The following PTCHD1 variants were observed in gnomAD, a reference collection of about 807,000 sequenced individuals.
The protein encoded by PTCHD1 is patched domain-containing protein 1.
A neutral mutation model predicts 34.6 loss-of-function variants in PTCHD1; 3 were observed. That is an observed-to-expected ratio of 0.09 (90% CI 0.04 to 0.22). The LOEUF is 0.22. Ranked by LOEUF, PTCHD1 falls within the 10% of genes least tolerant of loss-of-function variation. The pLI is 1.00. For synonymous variants in PTCHD1, 305 were observed against 283.1 expected (o/e 1.08, Z -0.77); for missense variants, 504 against 685.5 (o/e 0.74, Z 2.96).
At chrX:23,387,719 C>T (rs975806813) in intron 2 of PTCHD1, among the ~76,000 whole-genome samples, 48 of 111,294 alleles carry the variant, frequency 4.3e-4, no homozygotes, top group African/African-American at 1.4e-3. Flanking sequence ...CTTGGCGCTC[C>T]CTTCAATCTC....
chrX:23,366,338 C>T (rs868750401), intron 1 of PTCHD1, among the ~76,000 whole-genome samples: 2 of 112,195 alleles, frequency 1.8e-5, no homozygotes, highest in African/African-American at 6.5e-5. Context: ...TTGACTGGCT[C>T]GCAGTTGCCC....
intron 2 of PTCHD1, among the ~76,000 whole-genome samples, chrX:23,390,497 C>T: frequency 9.0e-6 from 1 of 111,693 alleles, no homozygotes; most frequent in Middle Eastern, 4.2e-3. Context: ...CCTCTCCAGA[C>T]TAGATGTTAA....
chrX:23,354,917 C>T (rs1921761009), intron 1 of PTCHD1, among the ~76,000 whole-genome samples: 2 of 109,027 alleles, frequency 1.8e-5, no homozygotes, highest in African/African-American at 3.3e-5. Context: ...CTGTGTATTT[C>T]GGAAAGCCCC....
intron 2 of PTCHD1, chrX:23,380,466 C>T (rs1376605873): frequency 1.7e-5 from 8 of 472,876 alleles, no homozygotes; most frequent in Non-Finnish European, 7.5e-6. Flanking sequence ...TGGGTTCTAG[C>T]GCTGACTCTC....
intron 1 of PTCHD1, among the ~76,000 whole-genome samples, chrX:23,358,139 A>G: frequency 8.9e-6 from 1 of 111,960 alleles, no homozygotes; most frequent in South Asian, 3.8e-4. Flanking sequence ...GTGTCTTTAT[A>G]GTAGCATGAT....
rs1368976008 is a variant in PTCHD1, at chrX:23,396,307, T to A, written c.*2122T>A. The A allele has an allele frequency of 1.8e-5, 2 of 112,101 alleles. No homozygotes were observed. Among genetic ancestry groups the A allele is most frequent in the Non-Finnish European group, 3.8e-5 (2 of 53,188 alleles). 9.2% of individuals were successfully genotyped at this position (112,101 alleles called of 1,213,427 possible). Reference sequence around the variant, plus strand: ...ACACTCAACTAGAAGATAATAAGCTTTAATCTGAGGGCAAGTACAGTCCTG... The same window carrying A: ...ACACTCAACTAGAAGATAATAAGCTATAATCTGAGGGCAAGTACAGTCCTG... On this transcript the variant is annotated 3_prime_UTR_variant, in exon 3 of 3. Transcript: ENST00000379361.
intron 2 of PTCHD1, among the ~76,000 whole-genome samples, chrX:23,381,038 G>A (rs892712466): frequency 1.1e-4 from 12 of 112,266 alleles, no homozygotes; most frequent in Non-Finnish European, 1.5e-4. Flanking sequence ...CCCACCTTAT[G>A]AATAGAGTGG....
intron 1 of PTCHD1, among the ~76,000 whole-genome samples, chrX:23,353,913 A>G (rs1220370221): frequency 3.6e-5 from 4 of 111,939 alleles, no homozygotes; most frequent in Non-Finnish European, 5.6e-5. Flanking sequence ...GATTTGAGAG[A>G]TTTGGGAGGC....
chrX:23,382,615 A>C (rs1484779747), intron 2 of PTCHD1, among the ~76,000 whole-genome samples: 1 of 112,963 alleles, frequency 8.9e-6, no homozygotes, highest in African/African-American at 3.2e-5. Context: ...TTTACATCAC[A>C]GTTCAATTCA....
Position 23,358,055 on chromosome X carries a change from T to C in PTCHD1, c.352-21536T>C, listed in dbSNP as rs142634619. On this transcript the variant is annotated intron_variant, in intron 1 of 2. Transcript: ENST00000379361. ...TGCCACATTTTCTTAATCCAGTCTA[T>C]CATTGATGGACATTTGGGTTGGTTC... 4.9e-3 allele frequency among the ~76,000 whole-genome samples: 544 copies of C among 112,088 alleles called. 2 individuals carry two copies. The highest frequency in any genetic ancestry group is 0.017 in the African/African-American group (527 of 30,829).
At chrX:23,346,473 G>A (rs141297563) in intron 1 of PTCHD1, among the ~76,000 whole-genome samples, 7 of 111,916 alleles carry the variant, frequency 6.3e-5, no homozygotes, top group African/African-American at 1.9e-4. Flanking sequence ...AAACCAATCC[G>A]ACAGGATTCT....
chrX:23,376,551 A>G (rs1026136107), intron 1 of PTCHD1, among the ~76,000 whole-genome samples: 3 of 112,408 alleles, frequency 2.7e-5, no homozygotes, highest in Non-Finnish European at 5.6e-5. Context: ...ATGTTCAGGT[A>G]GCATGCGCAG....
At chrX:23,346,048 G>A (rs184606647) in intron 1 of PTCHD1, among the ~76,000 whole-genome samples, 18 of 111,604 alleles carry the variant, frequency 1.6e-4, no homozygotes, top group African/African-American at 4.6e-4. Flanking sequence ...CATGGATGTC[G>A]TTGCTACCAT....
intron 1 of PTCHD1, among the ~76,000 whole-genome samples, chrX:23,353,330 T>C (rs1022693775): frequency 8.9e-6 from 1 of 112,887 alleles, no homozygotes. Flanking sequence ...CTCATGCCTG[T>C]AATCCCAGCG....
rs1055720464 is a variant in PTCHD1 at position 23,403,392 on chromosome X, A to T, written c.*9207A>T. ...TTGGTCAGTTTTGAGACAGATAAGC[A>T]TAAAACCCTACTAGAAAAAAATAAT... On this transcript the variant is annotated 3_prime_UTR_variant, in exon 3 of 3. Coordinates refer to ENST00000379361, the MANE Select transcript of PTCHD1 (RefSeq NM_173495.3). The T allele has an allele frequency of 8.9e-6, 1 of 112,163 alleles. No homozygotes were observed. The highest frequency in any genetic ancestry group is 3.2e-5 in the African/African-American group (1 of 30,848). 9.2% of individuals were successfully genotyped at this position (112,163 alleles called of 1,213,427 possible).
intron 1 of PTCHD1, among the ~76,000 whole-genome samples, chrX:23,369,516 CAT>C (rs2146633725): frequency 9.0e-6 from 1 of 111,474 alleles, no homozygotes; most frequent in East Asian, 2.8e-4. Flanking sequence ...AATTTGTGGC[CAT>C]GGACAAGTTA....
intron 1 of PTCHD1, among the ~76,000 whole-genome samples, chrX:23,356,608 A>G (rs1416658623): frequency 5.4e-5 from 6 of 111,837 alleles, no homozygotes; most frequent in African/African-American, 2.0e-4. Context: ...GCCTCAAATC[A>G]AATAAGTCAC....
chrX:23,362,100 A>G (rs1351656514), intron 1 of PTCHD1, among the ~76,000 whole-genome samples: 1 of 111,195 alleles, frequency 9.0e-6, no homozygotes, highest in African/African-American at 3.3e-5. Flanking sequence ...CTTCATTTCA[A>G]CCTTGGAGAA....
In PTCHD1 at chrX:23,335,061, G is replaced by A; in HGVS notation, c.186G>A (p.Leu62=). 1 of 1,211,072 alleles carries A rather than the reference G, an allele frequency of 8.3e-7. No individual in the cohort carries two copies. The highest frequency in any genetic ancestry group is 1.1e-6 in the Non-Finnish European group (1 of 895,144). ...ACCTGCTGGCGCCCCAGCACAGCCT[G>A]GCCAAGATCGAGCGCAACCTCGTTA... ...VEHLLAPQHS[L]AKIERNLVNS... Residue 62 remains leucine (L), a synonymous_variant, in exon 1 of 3, where the codon CTG becomes CTA. Coordinates refer to ENST00000379361, the MANE Select transcript of PTCHD1 (RefSeq NM_173495.3).
Sources: gnomAD v4.1 joint callset for allele counts (sites outside exome capture counted in the v4.1 genomes callset) on GRCh38, gnomAD v4.1.1 for gene constraint, MANE v1.5 for transcripts, NCBI Gene and HGNC (gene_info 2026-07-23, HGNC 2026-07-21) for gene names.